Variants in CAMTA1 observed in about 807,000 individuals in gnomAD.
CAMTA1 encodes the protein calmodulin binding transcription activator 1, also known as calmodulin-binding transcription activator 1.
Under a neutral mutation model 170.9 loss-of-function variants are expected in CAMTA1, and 27 were observed. The ratio of observed to expected loss-of-function variants is 0.16; its 90% CI spans 0.12 to 0.22. The LOEUF is 0.22. Among genes scored for constraint, CAMTA1 ranks in the 10% least tolerant of loss-of-function variants. CAMTA1 has a pLI of 1.00. For missense variants in CAMTA1, 1,619 were observed against 2,217.2 expected (o/e 0.73, Z 5.42); for synonymous variants, 833 against 891.5 (o/e 0.93, Z 1.17).
chr1:7,347,820 T>A (rs1180491029), intron 5 of CAMTA1, among the ~76,000 whole-genome samples: 1 of 152,164 alleles, frequency 6.6e-6, no homozygotes, highest in East Asian at 1.9e-4. Flanking sequence ...TGTGCCCTTT[T>A]CCGCCTCTCC....
chr1:7,330,163 A>G lies in CAMTA1; in HGVS notation c.438+80537A>G, dbSNP rs560101110. Among the ~76,000 whole-genome samples the G allele has an allele frequency of 1.8e-4, 28 of 152,278 alleles. No individual in the cohort carries two copies. The South Asian group carries it at 5.4e-3, about 29-fold the overall frequency. Reference sequence around the variant, plus strand: ...AGAAACTTGGGTGTACTGAGTGCCAACTGTTACCAGGCTGAAATCCAGGCT... The same window carrying G: ...AGAAACTTGGGTGTACTGAGTGCCAGCTGTTACCAGGCTGAAATCCAGGCT... On this transcript the variant is annotated intron_variant, in intron 5 of 22. Transcript: ENST00000303635.
At chr1:7,502,512 G>A (rs1162833195) in intron 6 of CAMTA1, among the ~76,000 whole-genome samples, 2 of 152,206 alleles carry the variant, frequency 1.3e-5, no homozygotes, top group Non-Finnish European at 2.9e-5. Flanking sequence ...CGTTCTGCAA[G>A]TGGCCTCTTT....
At position 7,534,756 on chromosome 1, in the gene CAMTA1, C is replaced by G. The variant is rs758200760; in HGVS notation, c.510+66855C>G. ...GGCAGAGTTGGGGCCTGGGGGGCTG[C>G]TGCTGGGTCAGTTTGGGGTTCCACT... is the stretch of plus-strand genomic sequence containing the variant. On this transcript the variant is annotated intron_variant, in intron 6 of 22. Transcript: ENST00000303635. The surrounding 1 kb of genome is among the most constrained non-coding windows in gnomAD (Gnocchi z 5.6). 3.9e-5 allele frequency among the ~76,000 whole-genome samples: 6 copies of G among 152,174 alleles called. No homozygotes were observed. The highest frequency in any genetic ancestry group is 7.3e-5 in the Non-Finnish European group (5 of 68,036).
chr1:7,723,261 A>G (rs2096661197), intron 11 of CAMTA1, among the ~76,000 whole-genome samples: 1 of 152,178 alleles, frequency 6.6e-6, no homozygotes, highest in Non-Finnish European at 1.5e-5. Context: ...AAGTGCTAAA[A>G]GGAAGAAAAA....
At chr1:7,349,842 G>A (rs1447644633) in intron 5 of CAMTA1, among the ~76,000 whole-genome samples, 2 of 152,326 alleles carry the variant, frequency 1.3e-5, no homozygotes, top group East Asian at 1.9e-4. Flanking sequence ...CAGTCCTGAA[G>A]CAAGATGAAT....
At chr1:7,288,131 C>G (rs1672609841) in intron 5 of CAMTA1, among the ~76,000 whole-genome samples, 2 of 152,146 alleles carry the variant, frequency 1.3e-5, no homozygotes. Context: ...GAGAGGCCAC[C>G]TGACCTTCCC....
Position 7,703,867 on chromosome 1 carries a change from G to C in CAMTA1, c.2914+26134G>C, listed in dbSNP as rs569646848. On this transcript the variant is annotated intron_variant, in intron 11 of 22. Coordinates refer to ENST00000303635, the MANE Select transcript of CAMTA1 (RefSeq NM_015215.4). Reference sequence around the variant, plus strand: ...GAGGTGCGGCTCGGGATTTGTGGCCGGGGCGAGAGACCCTCACGCAGAAGT... The same window carrying C: ...GAGGTGCGGCTCGGGATTTGTGGCCCGGGCGAGAGACCCTCACGCAGAAGT... 3.9e-5 allele frequency among the ~76,000 whole-genome samples: 6 copies of C among 152,206 alleles called. No homozygotes were observed. The South Asian group carries it at 1.0e-3, about 26-fold the overall frequency.
intron 3 of CAMTA1, among the ~76,000 whole-genome samples, chr1:6,869,194 G>A (rs1667671359): frequency 6.6e-6 from 1 of 152,180 alleles, no homozygotes; most frequent in African/African-American, 2.4e-5. Flanking sequence ...CTGGAAGAGA[G>A]AGGAAGATGG....
intron 3 of CAMTA1, among the ~76,000 whole-genome samples, chr1:7,081,769 T>C (rs1278002391): frequency 6.6e-6 from 1 of 152,182 alleles, no homozygotes; most frequent in Non-Finnish European, 1.5e-5. Flanking sequence ...CTGTGCAGCA[T>C]GTGGGCCTGG....
At chr1:6,988,498 T>C (rs995321099) in intron 3 of CAMTA1, among the ~76,000 whole-genome samples, 1 of 152,150 alleles carries the variant, frequency 6.6e-6, no homozygotes, top group Non-Finnish European at 1.5e-5. Context: ...CAGATGGAAA[T>C]TCATTTAATG....
chr1:7,645,627 G>C (rs909580369), intron 7 of CAMTA1, among the ~76,000 whole-genome samples: 3 of 152,248 alleles, frequency 2.0e-5, no homozygotes, highest in Non-Finnish European at 4.4e-5. Context: ...CGAAGGCCCG[G>C]AAATCAGCAG....
rs567344837 is a variant in CAMTA1 at position 6,940,006 on chromosome 1, T to C, written c.234+114796T>C. On this transcript the variant is annotated intron_variant, in intron 3 of 22. Transcript: ENST00000303635. ...AGCTCCTCCAGGCCAGGGACAGCTC[T>C]ACGTGGCCACATGGCCAATGCCAGC... Among the ~76,000 whole-genome samples the C allele has an allele frequency of 1.4e-4, 22 of 152,380 alleles. No homozygotes were observed. In the East Asian group the frequency reaches 4.0e-3, roughly 28 times the overall value.
intron 4 of CAMTA1, among the ~76,000 whole-genome samples, chr1:7,177,492 C>A (rs1474707035): frequency 2.0e-5 from 3 of 147,290 alleles, no homozygotes; most frequent in African/African-American, 7.5e-5. Flanking sequence ...ACACTGAAGC[C>A]CCTCCCACAC....
At chr1:7,259,806 C>T (rs528801134) in intron 5 of CAMTA1, among the ~76,000 whole-genome samples, 12 of 152,294 alleles carry the variant, frequency 7.9e-5, no homozygotes, top group Admixed American at 2.6e-4. Context: ...CACTGAGTGG[C>T]GATGACTAAA....
chr1:6,978,692 A>G (rs1348972104), intron 3 of CAMTA1, among the ~76,000 whole-genome samples: 2 of 150,186 alleles, frequency 1.3e-5, no homozygotes, highest in Non-Finnish European at 3.0e-5. Context: ...TTATAGATAT[A>G]TATATATCTA....
chr1:6,955,076 C>A (rs1229620585), intron 3 of CAMTA1, among the ~76,000 whole-genome samples: 1 of 151,934 alleles, frequency 6.6e-6, no homozygotes, highest in African/African-American at 2.4e-5. Flanking sequence ...ATGAGTCTTC[C>A]ACTTTCATTA....
At chr1:7,388,795 C>A (rs554120853) in intron 5 of CAMTA1, among the ~76,000 whole-genome samples, 1 of 152,328 alleles carries the variant, frequency 6.6e-6, no homozygotes, top group South Asian at 2.1e-4. Context: ...GTTCTGCTGG[C>A]AGCTCCCATC....
At chr1:6,908,588 C>T (rs1438432133) in intron 3 of CAMTA1, among the ~76,000 whole-genome samples, 1 of 152,184 alleles carries the variant, frequency 6.6e-6, no homozygotes, top group African/African-American at 2.4e-5. Flanking sequence ...TGGTGCAGCC[C>T]AGGTTCATAG....
At chr1:7,552,149 T>C (rs1344380360) in intron 6 of CAMTA1, among the ~76,000 whole-genome samples, 1 of 151,800 alleles carries the variant, frequency 6.6e-6, no homozygotes, top group Non-Finnish European at 1.5e-5. Context: ...GCAAGGCTGA[T>C]GGCCAGAGGG....
Sources: gnomAD v4.1 joint callset for allele counts (sites outside exome capture counted in the v4.1 genomes callset) on GRCh38, gnomAD v4.1.1 for gene constraint, Gnocchi (gnomAD v3.1) non-coding constraint, MANE v1.5 for transcripts, NCBI Gene and HGNC (gene_info 2026-07-23, HGNC 2026-07-21) for gene names.